The following RELN variants were observed in gnomAD, a reference collection of about 807,000 sequenced individuals.
The protein encoded by RELN is reelin.
In RELN, 108 loss-of-function variants were observed where a neutral mutation model predicts 427.6. The observed-to-expected ratio is 0.25, with a 90% CI of 0.22 to 0.30. RELN has a LOEUF of 0.30. Ranked by LOEUF, RELN falls within the 10% of genes least tolerant of loss-of-function variation. RELN has a pLI of 1.00. For synonymous variants in RELN, 1,524 were observed against 1,513.4 expected, an observed-to-expected ratio of 1.01 and a Z score of -0.16; for missense variants, 3,715 against 4,302.8, an observed-to-expected ratio of 0.86 and a Z score of 3.82.
chr7:103,477,479 A>G (rs1828077111), intron 64 of RELN, among the ~76,000 whole-genome samples: 1 of 152,254 alleles, frequency 6.6e-6, no homozygotes, highest in Non-Finnish European at 1.5e-5. Flanking sequence ...ACTGTTCAAC[A>G]TATCTTAGAA....
intron 8 of RELN, among the ~76,000 whole-genome samples, chr7:103,707,332 A>T (rs1834226215): frequency 6.6e-6 from 1 of 152,156 alleles, no homozygotes. Flanking sequence ...AAAGAGAGCT[A>T]AAAAAGTTGC....
intron 41 of RELN, 125 bp downstream of exon 41, chr7:103,550,942 G>A: frequency 2.6e-6 from 2 of 783,334 alleles, no homozygotes; most frequent in Admixed American, 4.0e-5. Context: ...CCACTGATCT[G>A]CTTGAGAACA....
chr7:103,497,415 T>C (rs1828874015), intron 55 of RELN, among the ~76,000 whole-genome samples: 2 of 152,186 alleles, frequency 1.3e-5, no homozygotes, highest in Admixed American at 6.5e-5. Context: ...GACTTTTTTT[T>C]CACAATTTTA....
chr7:103,898,395 T>A (rs1484689661), intron 2 of RELN, among the ~76,000 whole-genome samples: 1 of 152,102 alleles, frequency 6.6e-6, no homozygotes, highest in Non-Finnish European at 1.5e-5. Flanking sequence ...TTTCCTATCA[T>A]AGTGTTTTGA....
chr7:103,755,319 A>T (rs145462652), intron 4 of RELN, among the ~76,000 whole-genome samples: 6,428 of 151,778 alleles, frequency 0.042, 140 homozygotes, highest in Non-Finnish European at 0.053. Context: ...ATAAAAAAAT[A>T]AAAAAATGGC....
intron 6 of RELN, among the ~76,000 whole-genome samples, chr7:103,731,259 G>A (rs1790346470): frequency 1.3e-5 from 2 of 152,106 alleles, no homozygotes; most frequent in South Asian, 4.1e-4. Flanking sequence ...AGAAAGATGA[G>A]TGTGTGATAG....
At chr7:103,850,161 A>T (rs905111063) in intron 2 of RELN, among the ~76,000 whole-genome samples, 1 of 152,218 alleles carries the variant, frequency 6.6e-6, no homozygotes, top group African/African-American at 2.4e-5. Context: ...ATGTCAATGG[A>T]ATAAACTTTG....
At chr7:103,906,508 G>C (rs750801508) in intron 2 of RELN, among the ~76,000 whole-genome samples, 6 of 149,692 alleles carry the variant, frequency 4.0e-5, no homozygotes, top group Non-Finnish European at 7.4e-5. Flanking sequence ...AGCCTGGAAA[G>C]CTCCGGTACC....
intron 6 of RELN, among the ~76,000 whole-genome samples, chr7:103,733,654 A>G (rs1277358162): frequency 7.3e-6 from 1 of 136,098 alleles, no homozygotes; most frequent in Admixed American, 7.4e-5. Flanking sequence ...CATGGATGAA[A>G]TTTGAAATCA....
At chr7:103,623,728 T>C (rs1832268198) in intron 20 of RELN, among the ~76,000 whole-genome samples, 1 of 152,122 alleles carries the variant, frequency 6.6e-6, no homozygotes, top group African/African-American at 2.4e-5. Flanking sequence ...GAAGGAGAGG[T>C]AGATCTCATT....
chr7:103,938,081 G>A (rs186072723), intron 1 of RELN, among the ~76,000 whole-genome samples: 2 of 152,146 alleles, frequency 1.3e-5, no homozygotes, highest in African/African-American at 4.8e-5. Context: ...AGCTCTTTGG[G>A]AGGCCAAGGT....
intron 12 of RELN, among the ~76,000 whole-genome samples, chr7:103,654,419 C>T (rs1198752198): frequency 6.6e-6 from 1 of 152,030 alleles, no homozygotes; most frequent in Non-Finnish European, 1.5e-5. Flanking sequence ...TTGTGAAGGC[C>T]AAAGTAGCTA....
intron 1 of RELN, among the ~76,000 whole-genome samples, chr7:103,925,800 TG>T (rs1795718396): frequency 6.6e-6 from 1 of 152,190 alleles, no homozygotes; most frequent in African/African-American, 2.4e-5. Flanking sequence ...TTTTCTAGGT[TG>T]AGAAGAATAA....
chr7:103,978,830 A>C (rs1425741378), intron 1 of RELN, among the ~76,000 whole-genome samples: 2 of 152,188 alleles, frequency 1.3e-5, no homozygotes, highest in African/African-American at 4.8e-5. Context: ...ATTTGAAATA[A>C]AAATTCTAAA....
At chr7:103,902,223 C>A (rs1795097967) in intron 2 of RELN, among the ~76,000 whole-genome samples, 3 of 151,976 alleles carry the variant, frequency 2.0e-5, no homozygotes, top group Non-Finnish European at 2.9e-5. Flanking sequence ...AGCCAAATCC[C>A]AGTTAAGTTC....
intron 8 of RELN, among the ~76,000 whole-genome samples, chr7:103,705,631 A>T (rs1204915674): frequency 1.3e-5 from 2 of 152,214 alleles, no homozygotes; most frequent in African/African-American, 4.8e-5. Context: ...CCTCTGATAT[A>T]AGATATCTTC....
intron 64 of RELN, among the ~76,000 whole-genome samples, chr7:103,474,299 G>A (rs142368245): frequency 6.6e-6 from 1 of 151,958 alleles, no homozygotes; most frequent in Non-Finnish European, 1.5e-5. Flanking sequence ...ACATCAAATT[G>A]ATACATATTT....
At chr7:103,698,226 C>G in intron 9 of RELN, 133 bp from the exon 10 acceptor site, 2 of 1,089,070 alleles carry the variant, frequency 1.8e-6, no homozygotes, top group South Asian at 2.6e-5. Context: ...TAGCTACAAT[C>G]TCATAGCCCT....
At chr7:103,875,091 A>C (rs1366135950) in intron 2 of RELN, among the ~76,000 whole-genome samples, 1 of 145,842 alleles carries the variant, frequency 6.9e-6, no homozygotes, top group African/African-American at 2.5e-5. Flanking sequence ...AAACCTGAGA[A>C]AAACAAGCAA....
Sources: gnomAD v4.1 joint callset for allele counts (sites outside exome capture counted in the v4.1 genomes callset) on GRCh38, gnomAD v4.1.1 for gene constraint, MANE v1.5 for transcripts, NCBI Gene and HGNC (gene_info 2026-07-23, HGNC 2026-07-21) for gene names.